The following SPIB variants were observed in gnomAD, a reference collection of about 807,000 sequenced individuals.
SPIB encodes Spi-B transcription factor.
Under a neutral mutation model 31.9 loss-of-function variants are expected in SPIB, and 7 were observed. The observed-to-expected ratio is 0.22, with a 90% CI of 0.12 to 0.41. The LOEUF (loss-of-function observed/expected upper bound fraction) is 0.41. Ranked by LOEUF, SPIB falls within the 10% of genes least tolerant of loss-of-function variation. The pLI is 1.00. For missense variants in SPIB, 327 were observed against 360.2 expected, an observed-to-expected ratio of 0.91 and a Z score of 0.75; for synonymous variants, 176 against 158.9, an observed-to-expected ratio of 1.11 and a Z score of -0.81.
chr19:50,422,664 G>A (rs554398613), intron 3 of SPIB, 119 bp downstream of exon 3: 1 of 1,207,370 alleles, frequency 8.3e-7, no homozygotes, highest in Non-Finnish European at 1.2e-6. Flanking sequence ...CGGGCCTATA[G>A]CCCTCCTCCC....
At chr19:50,419,124 T>C (rs1054186186) in intron 1 of SPIB, 139 bp downstream of exon 1, 2 of 961,828 alleles carry the variant, frequency 2.1e-6, no homozygotes, top group Non-Finnish European at 1.6e-6. Flanking sequence ...CCCTGTCTCT[T>C]GCCCCTTCTG....
chr19:50,419,439 G>GCCT (rs973050254), intron 1 of SPIB, among the ~76,000 whole-genome samples: 2 of 151,970 alleles, frequency 1.3e-5, no homozygotes, highest in African/African-American at 4.8e-5. Context: ...CACTCTCAGT[G>GCCT]CCTCCATCTG....
Position 50,422,938 on chromosome 19 carries a change from C to T in SPIB, c.240C>T (p.Pro80=). 6.3e-7 allele frequency: 1 copy of T among 1,596,188 alleles called. No individual in the cohort carries two copies. Among genetic ancestry groups the T allele is most frequent in the Non-Finnish European group, 8.6e-7 (1 of 1,166,980 alleles). The change falls in exon 4 of 6, where the codon CCC becomes CCT. Residue 80 remains proline (P), a synonymous_variant. Transcript: ENST00000595883. ...HPQAAQLCYE[P]PTYSPAGNLE... ...AGGCTGCCCAGCTCTGCTACGAACCCCCCACCTACAGCCCTGCAGGGAACC... is the reference window on the plus strand; with the variant it reads ...AGGCTGCCCAGCTCTGCTACGAACCTCCCACCTACAGCCCTGCAGGGAACC...
chr19:50,422,409 G>C, intron 2 of SPIB, 64 bp from the exon 3 acceptor site: 3 of 1,485,572 alleles, frequency 2.0e-6, no homozygotes, highest in Non-Finnish European at 2.8e-6. Context: ...CAAGGGTCCA[G>C]GGTGGGGGTT....
At chr19:50,422,408 A>G (rs563353877) in intron 2 of SPIB, 65 bp from the exon 3 acceptor site, 6 of 1,474,222 alleles carry the variant, frequency 4.1e-6, no homozygotes, top group Non-Finnish European at 5.7e-6. Context: ...CCAAGGGTCC[A>G]GGGTGGGGGT....
At chr19:50,425,804 C>A (rs1260408214) in intron 5 of SPIB, among the ~76,000 whole-genome samples, 1 of 152,214 alleles carries the variant, frequency 6.6e-6, no homozygotes, top group Non-Finnish European at 1.5e-5. Flanking sequence ...GGAGGCCACA[C>A]ACACCAGGTC....
chr19:50,420,515 G>C (rs775625197), intron 2 of SPIB, among the ~76,000 whole-genome samples: 1 of 152,240 alleles, frequency 6.6e-6, no homozygotes, highest in Non-Finnish European at 1.5e-5. Context: ...CCACAAGCCA[G>C]ATCAAGATAC....
At chr19:50,419,925 C>T (rs765361482) in intron 1 of SPIB, 21 bp from the exon 2 acceptor site, 10 of 1,540,564 alleles carry the variant, frequency 6.5e-6, no homozygotes, top group Non-Finnish European at 8.7e-6. Context: ...TCAGCATGCC[C>T]CTGTGTCTCT....
chr19:50,423,363 A>G (rs2039524572), intron 4 of SPIB, among the ~76,000 whole-genome samples: 1 of 152,150 alleles, frequency 6.6e-6, no homozygotes, highest in African/African-American at 2.4e-5. Flanking sequence ...CAAGTGAGTC[A>G]AGAGAGGTAG....
At position 50,418,962 on chromosome 19, in the gene SPIB, C is replaced by T; in HGVS notation, c.-1C>T. The stretch of plus-strand genomic sequence containing the variant: ...CGGCAAACAGCCCGCCCGGCACCAC[C>T]ATGCTCGCCCTGGAGGCTGCACAGT... On this transcript the variant is annotated 5_prime_UTR_variant, in exon 1 of 6. Coordinates refer to ENST00000595883, the MANE Select transcript of SPIB (RefSeq NM_003121.5). This position sits in a 1 kb window ranked among gnomAD's most constrained non-coding sequence, Gnocchi z 6.0. 6.4e-7 allele frequency: 1 copy of T among 1,554,124 alleles called. No homozygotes were observed. Among genetic ancestry groups the T allele is most frequent in the Non-Finnish European group, 8.7e-7 (1 of 1,149,132 alleles).
Position 50,419,938 on chromosome 19 carries a change from C to T in SPIB, c.24-8C>T, listed in dbSNP as rs751758356. ...CCTCAGCATGCCCCTGTGTCTCTCC[C>T]CCTCCAGGCTCGACGGGCCACACTT... On this transcript the variant is annotated splice_polypyrimidine_tract_variant and splice_region_variant and intron_variant, in intron 1 of 5. Coordinates refer to ENST00000595883, the MANE Select transcript of SPIB (RefSeq NM_003121.5). 1.3e-5 allele frequency: 20 copies of T among 1,538,062 alleles called. No individual in the cohort carries two copies. The East Asian group carries it at 4.6e-4, about 35-fold the overall frequency.
chr19:50,428,680 A>G lies in SPIB; in HGVS notation c.*344A>G, dbSNP rs2039601801. On this transcript the variant is annotated 3_prime_UTR_variant, in exon 6 of 6. Transcript: ENST00000595883. The surrounding 1 kb of genome is among the most constrained non-coding windows in gnomAD (Gnocchi z 6.5). ...AGCTTCTCTGGGATTTTCTTGTGAT[A>G]TCTGATTCCCCAGTGAGGCCTGGGA... 1 of 304,872 alleles carries G rather than the reference A, an allele frequency of 3.3e-6. No individual in the cohort carries two copies. The highest frequency in any genetic ancestry group is 2.2e-5 in the African/African-American group (1 of 46,414). 18.9% of individuals were successfully genotyped at this position (304,872 alleles called of 1,614,324 possible). A position where few individuals can be genotyped will look rare whatever the true frequency, so the allele number is the denominator to read the frequency against.
intron 1 of SPIB, 30 bp downstream of exon 1, chr19:50,419,015 G>T (rs765181026): frequency 6.4e-7 from 1 of 1,550,606 alleles, no homozygotes; most frequent in Non-Finnish European, 8.7e-7. Context: ...CCTGCACCCG[G>T]GGTCCCCACC....
Position 50,428,550 on chromosome 19 carries a change from T to C in SPIB, c.*214T>C. 1 of 577,518 alleles carries C rather than the reference T, an allele frequency of 1.7e-6. No individual in the cohort carries two copies. 35.8% of individuals were successfully genotyped at this position (577,518 alleles called of 1,614,324 possible). On this transcript the variant is annotated 3_prime_UTR_variant, in exon 6 of 6. Transcript: ENST00000595883. This position sits in a 1 kb window ranked among gnomAD's most constrained non-coding sequence, Gnocchi z 6.5. ...CTTGTGCCTGGGGTCCTCTGGGATT[T>C]CTTTGTCATGTACAGACTCCCTGGG...
chr19:50,428,373 G>A lies in SPIB; in HGVS notation c.*37G>A. 1 of 1,504,626 alleles carries A rather than the reference G, an allele frequency of 6.6e-7. No individual in the cohort carries two copies. The highest frequency in any genetic ancestry group is 8.9e-7 in the Non-Finnish European group (1 of 1,123,988). The allele number at this position is 1,504,626 out of a possible 1,614,324, so 93.2% of individuals were successfully genotyped here. A position where few individuals can be genotyped will look rare whatever the true frequency, so the allele number is the denominator to read the frequency against. On this transcript the variant is annotated 3_prime_UTR_variant, in exon 6 of 6. Coordinates refer to ENST00000595883, the MANE Select transcript of SPIB (RefSeq NM_003121.5). This position sits in a 1 kb window ranked among gnomAD's most constrained non-coding sequence, Gnocchi z 6.5. Reference sequence around the variant, plus strand: ...GCTCCCACCTGCGGAGCCGCTGGGGGACCTCACGTCCCAGCCAGGATCCCC... The same window carrying A: ...GCTCCCACCTGCGGAGCCGCTGGGGAACCTCACGTCCCAGCCAGGATCCCC...
intron 5 of SPIB, among the ~76,000 whole-genome samples, chr19:50,425,986 A>T (rs2039560622): frequency 6.6e-6 from 1 of 152,126 alleles, no homozygotes; most frequent in Non-Finnish European, 1.5e-5. Context: ...AGGCTGGTAG[A>T]TCACCTAACG....
At position 50,423,765 on chromosome 19, in the gene SPIB, A is replaced by G; in HGVS notation, c.490+10A>G. 6.3e-7 allele frequency: 1 copy of G among 1,596,238 alleles called. No homozygotes were observed. The highest frequency in any genetic ancestry group is 1.1e-5 in the South Asian group (1 of 88,758). On this transcript the variant is annotated intron_variant, in intron 5 of 5. Transcript: ENST00000595883. Reference sequence around the variant, plus strand: ...AAGGGATCCGAGGCAGGTATGCGGGAGTGGCTGGGGTGGGGGAGATGCCAG... The same window carrying G: ...AAGGGATCCGAGGCAGGTATGCGGGGGTGGCTGGGGTGGGGGAGATGCCAG...
chr19:50,421,318 GATTT>G (rs1283829924), intron 2 of SPIB, among the ~76,000 whole-genome samples: 1 of 151,976 alleles, frequency 6.6e-6, no homozygotes, highest in Non-Finnish European at 1.5e-5. Context: ...AACATATGGA[GATTT>G]ATTTATTTAT....
intron 1 of SPIB, 174 bp from the exon 2 acceptor site, chr19:50,419,772 C>A: frequency 1.8e-6 from 1 of 540,840 alleles, no homozygotes; most frequent in Non-Finnish European, 3.1e-6. Context: ...CCACCCCCCA[C>A]TTCCTGTCCC....
Sources: allele counts gnomAD v4.1 joint callset (sites outside exome capture counted in the v4.1 genomes callset), GRCh38; gene constraint gnomAD v4.1.1; non-coding constraint Gnocchi (gnomAD v3.1); transcripts MANE v1.5; gene names NCBI Gene and HGNC (gene_info 2026-07-23, HGNC 2026-07-21).